The following PCDHGA1 variants were observed in gnomAD, a reference collection of about 807,000 sequenced individuals.
The protein encoded by PCDHGA1 is protocadherin gamma subfamily A, 1, also known as protocadherin gamma-A1.
Under a neutral mutation model 58.0 loss-of-function variants are expected in PCDHGA1, and 32 were observed. That is an observed-to-expected ratio of 0.55 (90% CI 0.42 to 0.74). The LOEUF is 0.74. PCDHGA1 is among the 30% of genes least tolerant of loss of function. The pLI is 0.00. For missense variants in PCDHGA1, 1,205 were observed against 1,182.3 expected (o/e 1.02, Z -0.28); for synonymous variants, 498 against 501.1 (o/e 0.99, Z 0.08).
chr5:141,362,663 G>A, intron 1 of PCDHGA1: 1 of 1,339,920 alleles, frequency 7.5e-7, no homozygotes. Flanking sequence ...TTTGGCCAAT[G>A]TTGTGCCTTA....
chr5:141,371,255 A>G lies in PCDHGA1; in HGVS notation c.2421+38150A>G, dbSNP rs1442083388. The G allele has an allele frequency of 1.9e-6, 3 of 1,614,036 alleles. 1 individual carries two copies. The South Asian group carries it at 3.3e-5, about 18-fold the overall frequency. On this transcript the variant is annotated intron_variant, in intron 1 of 3. Transcript: ENST00000517417. ...ATGCCTTCATCAATATTGGCAAGGA[A>G]GTGAGACAACTGTTCAAGCTGGACA...
chr5:141,501,891 T>G (rs2099811650), intron 2 of PCDHGA1, among the ~76,000 whole-genome samples: 1 of 152,128 alleles, frequency 6.6e-6, no homozygotes, highest in Admixed American at 6.5e-5. Context: ...CTGATCATCA[T>G]GGTTCCAACC....
At chr5:141,418,563 C>A (rs2096269554) in intron 1 of PCDHGA1, 2 of 1,613,998 alleles carry the variant, frequency 1.2e-6, no homozygotes, top group Non-Finnish European at 1.7e-6. Context: ...GTAATAGATG[C>A]CAATGACAAC....
At chr5:141,441,087 TGACA>T (rs1168679217) in intron 1 of PCDHGA1, 1 of 152,174 alleles carries the variant, frequency 6.6e-6, no homozygotes, top group Non-Finnish European at 1.5e-5. Flanking sequence ...TGGTAGCAAG[TGACA>T]GAGAGGGACT....
rs747077639 is a variant in PCDHGA1, at chr5:141,432,371, G to C, written c.2422-62436G>C. 2 of 1,614,234 alleles carry C rather than the reference G, an allele frequency of 1.2e-6. No individual in the cohort carries two copies. The highest frequency in any genetic ancestry group is 1.6e-4 in the Middle Eastern group (1 of 6,062). ...AGTGAAAGTGATGGCGCGGGACAAC[G>C]GGCACCCGCCCCTCAGCAGCAACGT... On this transcript the variant is annotated intron_variant, in intron 1 of 3. Transcript: ENST00000517417. The surrounding 1 kb of genome is among the most constrained non-coding windows in gnomAD (Gnocchi z 6.0).
At chr5:141,335,948 A>G (rs1180592857) in intron 1 of PCDHGA1, among the ~76,000 whole-genome samples, 1 of 152,226 alleles carries the variant, frequency 6.6e-6, no homozygotes, top group Non-Finnish European at 1.5e-5. Flanking sequence ...TGCAACTAAA[A>G]CTAATTAGGA....
At chr5:141,355,272 G>A (rs1322283569) in intron 1 of PCDHGA1, 1 of 1,613,674 alleles carries the variant, frequency 6.2e-7, no homozygotes, top group Non-Finnish European at 8.5e-7. Flanking sequence ...GGGTTCTGGT[G>A]GAAATCAGGG....
intron 1 of PCDHGA1, chr5:141,372,129 C>A (rs62620756): frequency 0.034 from 55,182 of 1,613,622 alleles, 1,045 homozygotes; most frequent in Middle Eastern, 0.098. Flanking sequence ...CGATATGGTG[C>A]CGCGCTCTGC....
chr5:141,428,679 TGGATGA>T (rs1231732563), intron 1 of PCDHGA1: 1 of 163,254 alleles, frequency 6.1e-6, no homozygotes, highest in Non-Finnish European at 1.3e-5. Flanking sequence ...CATTTACAAA[TGGATGA>T]GGTTTAATTT....
intron 1 of PCDHGA1, among the ~76,000 whole-genome samples, chr5:141,347,121 T>A (rs1242692658): frequency 2.1e-5 from 3 of 140,036 alleles, no homozygotes; most frequent in Non-Finnish European, 3.2e-5. Context: ...CCTCCTTCCT[T>A]CCTTCCTCTG....
intron 1 of PCDHGA1, chr5:141,350,833 A>G: frequency 6.2e-7 from 1 of 1,614,050 alleles, no homozygotes; most frequent in Admixed American, 1.7e-5. Context: ...ATCCGGTATT[A>G]CTGCTGGAAA....
At chr5:141,398,396 T>A (rs1191920974) in intron 1 of PCDHGA1, 1 of 1,465,660 alleles carries the variant, frequency 6.8e-7, no homozygotes, top group South Asian at 1.2e-5. Flanking sequence ...AGCAGCAGGC[T>A]AGACAGGGAG....
chr5:141,384,092 T>C, intron 1 of PCDHGA1: 1 of 1,596,242 alleles, frequency 6.3e-7, no homozygotes. Flanking sequence ...GAAAAATCAA[T>C]AGATAATTAT....
chr5:141,389,131 A>G, intron 1 of PCDHGA1: 2 of 1,614,024 alleles, frequency 1.2e-6, no homozygotes, highest in African/African-American at 2.7e-5. Flanking sequence ...AATCCAGAGT[A>G]CAATATAACC....
intron 3 of PCDHGA1, 88 bp from the exon 4 acceptor site, chr5:141,510,859 A>G: frequency 6.2e-7 from 1 of 1,606,096 alleles, no homozygotes; most frequent in Non-Finnish European, 8.5e-7. Context: ...GGTGCTGTAT[A>G]GGCATTCATT....
chr5:141,356,858 T>C, intron 1 of PCDHGA1: 1 of 1,614,210 alleles, frequency 6.2e-7, no homozygotes, highest in Non-Finnish European at 8.5e-7. Flanking sequence ...CTCTTTGTGC[T>C]GGACCAGAAC....
intron 1 of PCDHGA1, chr5:141,341,257 C>G: frequency 6.2e-7 from 1 of 1,614,226 alleles, no homozygotes; most frequent in Non-Finnish European, 8.5e-7. Flanking sequence ...TCACTGCGGA[C>G]TCGCGGAAGA....
intron 1 of PCDHGA1, chr5:141,390,310 C>T: frequency 1.2e-6 from 2 of 1,612,362 alleles, no homozygotes; most frequent in Non-Finnish European, 1.7e-6. Context: ...TAATTTAATG[C>T]TCATTGCCTA....
chr5:141,363,667 A>G (rs1260972541), intron 1 of PCDHGA1, among the ~76,000 whole-genome samples: 1 of 152,262 alleles, frequency 6.6e-6, no homozygotes, highest in Non-Finnish European at 1.5e-5. Flanking sequence ...TTTCTTCTGC[A>G]TATGACAGCT....
Sources: gnomAD v4.1 joint callset for allele counts (sites outside exome capture counted in the v4.1 genomes callset) on GRCh38, gnomAD v4.1.1 for gene constraint, Gnocchi (gnomAD v3.1) non-coding constraint, MANE v1.5 for transcripts, NCBI Gene and HGNC (gene_info 2026-07-23, HGNC 2026-07-21) for gene names.